NPSR1: variants seen among roughly 807,000 people sequenced by gnomAD.
The protein encoded by NPSR1 is neuropeptide S receptor.
In NPSR1, 48 loss-of-function variants were observed where a neutral mutation model predicts 46.9. That is an observed-to-expected ratio of 1.02 (90% CI 0.81 to 1.30). The LOEUF is 1.30. Ranked by LOEUF, NPSR1 falls within the 50% of genes most tolerant of loss-of-function variation. The pLI is 0.00. For missense variants in NPSR1, 450 were observed against 449.5 expected, an observed-to-expected ratio of 1.00 and a Z score of -0.01; for synonymous variants, 176 against 168.1, an observed-to-expected ratio of 1.05 and a Z score of -0.36.
At chr7:34,719,758 G>C (rs1262758490) in intron 2 of NPSR1, 1 of 152,118 alleles carries the variant, frequency 6.6e-6, no homozygotes, top group Non-Finnish European at 1.5e-5. Context: ...TCCAGTTCGA[G>C]ACTCTGTCTG....
At chr7:34,755,677 A>T (rs1033291069) in intron 2 of NPSR1, among the ~76,000 whole-genome samples, 42 of 152,162 alleles carry the variant, frequency 2.8e-4, no homozygotes, top group African/African-American at 9.4e-4. Flanking sequence ...TGCTACCTGA[A>T]TTTTGTATTA....
intron 2 of NPSR1, among the ~76,000 whole-genome samples, chr7:34,741,141 T>A (rs575464860): frequency 2.9e-4 from 44 of 152,344 alleles, no homozygotes; most frequent in African/African-American, 1.0e-3. Flanking sequence ...TTTCAGAAAT[T>A]TAGTAACATG....
At chr7:34,779,770 CAAT>C (rs1787150481) in intron 3 of NPSR1, 1 of 287,728 alleles carries the variant, frequency 3.5e-6, no homozygotes, top group Non-Finnish European at 6.7e-6. Flanking sequence ...ATTATATTAG[CAAT>C]CAATTGCTGA....
chr7:34,793,021 C>T (rs1788010867), intron 3 of NPSR1, among the ~76,000 whole-genome samples: 1 of 151,338 alleles, frequency 6.6e-6, no homozygotes, highest in Non-Finnish European at 1.5e-5. Context: ...CCTGTCTCTA[C>T]AAAAAGTAAA....
chr7:34,764,327 A>G (rs878896371), intron 2 of NPSR1, among the ~76,000 whole-genome samples: 3 of 152,248 alleles, frequency 2.0e-5, no homozygotes, highest in Admixed American at 2.0e-4. Flanking sequence ...CAGACTTGAG[A>G]AGAAGGAAAG....
intron 2 of NPSR1, among the ~76,000 whole-genome samples, chr7:34,711,928 G>A (rs541012541): frequency 6.6e-6 from 1 of 152,334 alleles, no homozygotes; most frequent in South Asian, 2.1e-4. Context: ...AAAGATGGCT[G>A]GGTCTGTCTC....
chr7:34,841,671 T>C (rs1205782458), intron 6 of NPSR1, among the ~76,000 whole-genome samples: 2 of 152,224 alleles, frequency 1.3e-5, no homozygotes, highest in African/African-American at 2.4e-5. Flanking sequence ...TTTCCTGGAA[T>C]GGTCAGATTA....
At chr7:34,670,597 A>C (rs2128674208) in intron 1 of NPSR1, among the ~76,000 whole-genome samples, 1 of 151,070 alleles carries the variant, frequency 6.6e-6, no homozygotes, top group African/African-American at 2.4e-5. Context: ...ATAATATTAT[A>C]GCTAATAGTA....
chr7:34,721,198 A>G (rs1783840118), intron 2 of NPSR1, among the ~76,000 whole-genome samples: 1 of 152,198 alleles, frequency 6.6e-6, no homozygotes, highest in East Asian at 1.9e-4. Context: ...GGTGTAATTC[A>G]TGTTGCATAA....
intron 2 of NPSR1, among the ~76,000 whole-genome samples, chr7:34,767,822 C>T (rs1007840363): frequency 1.3e-5 from 2 of 151,744 alleles, no homozygotes; most frequent in Non-Finnish European, 2.9e-5. Context: ...TCCAAAGTAC[C>T]AAATAAAGGT....
At chr7:34,842,845 C>G (rs1270125180) in intron 6 of NPSR1, among the ~76,000 whole-genome samples, 2 of 152,236 alleles carry the variant, frequency 1.3e-5, no homozygotes, top group Non-Finnish European at 2.9e-5. Context: ...CCAAGCTCCT[C>G]AGAAAGACAT....
At chr7:34,687,831 G>A (rs28475586) in intron 2 of NPSR1, among the ~76,000 whole-genome samples, 2,162 of 152,288 alleles carry the variant, frequency 0.014, 47 homozygotes, top group African/African-American at 0.05. Flanking sequence ...TCACATAGCT[G>A]CCAAAGACAA....
At chr7:34,663,069 G>GTGTGTGTGTGTGTGTGTATT (rs1203512481) in intron 1 of NPSR1, among the ~76,000 whole-genome samples, 1 of 71,030 alleles carries the variant, frequency 1.4e-5, no homozygotes, top group Non-Finnish European at 3.0e-5. Context: ...CTCTCTCTCT[G>GTGTGTGTGTGTGTGTGTATT]TGTGTGTGTG....
chr7:34,665,887 C>T (rs1791726821), intron 1 of NPSR1, among the ~76,000 whole-genome samples: 1 of 152,108 alleles, frequency 6.6e-6, no homozygotes, highest in Non-Finnish European at 1.5e-5. Flanking sequence ...CACACACACA[C>T]AGACTAGATG....
chr7:34,797,698 T>C (rs1415112186), intron 3 of NPSR1, among the ~76,000 whole-genome samples: 1 of 151,836 alleles, frequency 6.6e-6, no homozygotes, highest in African/African-American at 2.4e-5. Flanking sequence ...CAAAGCAAAA[T>C]AAATGTCAGA....
At chr7:34,702,223 G>A (rs35671834) in intron 2 of NPSR1, among the ~76,000 whole-genome samples, 21,806 of 152,206 alleles carry the variant, frequency 0.14, 2,057 homozygotes, top group East Asian at 0.33. Flanking sequence ...AAGGGAGGAA[G>A]GACAGAGGGG....
chr7:34,849,551 T>C lies in NPSR1; in HGVS notation c.1026-14T>C, dbSNP rs1049826367. 2.5e-6 allele frequency: 4 copies of C among 1,614,030 alleles called. No homozygotes were observed. The African/African-American group carries it at 5.3e-5, about 22-fold the overall frequency. ...AAATTATTTCCCTCCCTGCTTTATT[T>C]TGACTTTCTCCAGGGAGCAAAGATC... On this transcript the variant is annotated splice_polypyrimidine_tract_variant and intron_variant, in intron 8 of 8. Coordinates refer to ENST00000360581, the MANE Select transcript of NPSR1 (RefSeq NM_207172.2).
intron 5 of NPSR1, 77 bp downstream of exon 5, chr7:34,827,679 C>T: frequency 3.2e-6 from 3 of 930,104 alleles, no homozygotes; most frequent in Non-Finnish European, 4.9e-6. Context: ...CTGTTGCTCT[C>T]CTCCCCAACA....
intron 7 of NPSR1, among the ~76,000 whole-genome samples, 186 bp downstream of exon 7, chr7:34,845,168 T>A (rs1346937454): frequency 2.6e-5 from 4 of 152,204 alleles, no homozygotes; most frequent in African/African-American, 9.6e-5. Flanking sequence ...TGGTTCCTAA[T>A]CCCTCTCCTT....
Sources: gnomAD v4.1 joint callset for allele counts (sites outside exome capture counted in the v4.1 genomes callset) on GRCh38, gnomAD v4.1.1 for gene constraint, MANE v1.5 for transcripts, NCBI Gene and HGNC (gene_info 2026-07-23, HGNC 2026-07-21) for gene names.